LPP: variants seen among roughly 807,000 people sequenced by gnomAD.
LPP encodes LIM domain containing preferred translocation partner in lipoma, also known as lipoma-preferred partner.
A neutral mutation model predicts 60.4 loss-of-function variants in LPP; 38 were observed. The observed-to-expected ratio is 0.63, with a 90% CI of 0.49 to 0.83. LPP has a LOEUF of 0.83. Ranked by LOEUF, LPP falls within the 40% of genes least tolerant of loss-of-function variation. The probability of loss-of-function intolerance (pLI) is 0.00; values close to 1 mark genes in which losing one functional copy is unlikely to be tolerated. For missense variants in LPP, 902 were observed against 783.6 expected (o/e 1.15, Z -1.80); for synonymous variants, 328 against 290.8 (o/e 1.13, Z -1.30).
intron 9 of LPP, among the ~76,000 whole-genome samples, chr3:188,849,106 A>T (rs1486197830): frequency 2.0e-5 from 3 of 152,232 alleles, no homozygotes; most frequent in Non-Finnish European, 4.4e-5. Context: ...AGCGAGGCCC[A>T]GCTTTCTGCT....
At chr3:188,508,435 A>G (rs530195997) in intron 5 of LPP, among the ~76,000 whole-genome samples, 1 of 152,336 alleles carries the variant, frequency 6.6e-6, no homozygotes, top group South Asian at 2.1e-4. Context: ...CTGCCTAGAC[A>G]AAATTGTAGC....
At position 188,575,575 on chromosome 3, in the gene LPP, T is replaced by C. The variant is rs140768135; in HGVS notation, c.430-33586T>C. ...CGGTCCACCTTAACTAAATATGCTT[T>C]TGATGTAGCTCTCTTCAGGCTGAAT... On this transcript the variant is annotated intron_variant, in intron 6 of 11. Transcript: ENST00000617246. Among the ~76,000 whole-genome samples, 163 of 152,246 alleles carry C rather than the reference T, an allele frequency of 1.1e-3. 2 individuals are homozygous for C. The highest frequency in any genetic ancestry group is 1.0e-3 in the Non-Finnish European group (68 of 68,008).
chr3:188,156,700 G>C (rs1173649126), intron 1 of LPP, among the ~76,000 whole-genome samples: 1 of 152,032 alleles, frequency 6.6e-6, no homozygotes, highest in Non-Finnish European at 1.5e-5. Context: ...CGGGTGTGGT[G>C]GCATGTGCCT....
chr3:188,871,735 A>C (rs1768148650), intron 10 of LPP, among the ~76,000 whole-genome samples: 1 of 152,074 alleles, frequency 6.6e-6, no homozygotes, highest in African/African-American at 2.4e-5. Context: ...TCATACCTTC[A>C]CAAATACCAT....
At chr3:188,278,133 T>C (rs952362447) in intron 2 of LPP, among the ~76,000 whole-genome samples, 3 of 152,238 alleles carry the variant, frequency 2.0e-5, no homozygotes, top group Non-Finnish European at 4.4e-5. Flanking sequence ...TCATTTCATT[T>C]AATCCTCAAA....
intron 4 of LPP, among the ~76,000 whole-genome samples, chr3:188,413,491 A>G (rs1304859723): frequency 2.6e-5 from 4 of 152,260 alleles, no homozygotes; most frequent in South Asian, 2.1e-4. Flanking sequence ...AGGAACTGTA[A>G]TGAAGCTCGG....
chr3:188,421,977 C>G (rs1787934278), intron 4 of LPP, among the ~76,000 whole-genome samples: 1 of 152,178 alleles, frequency 6.6e-6, no homozygotes, highest in Non-Finnish European at 1.5e-5. Flanking sequence ...TCTTCCCTCA[C>G]TGGCCAAAGT....
At chr3:188,315,642 T>C (rs1754808923) in intron 2 of LPP, among the ~76,000 whole-genome samples, 1 of 152,192 alleles carries the variant, frequency 6.6e-6, no homozygotes, top group Non-Finnish European at 1.5e-5. Context: ...GAATGTAAGC[T>C]TTGTAGGGAC....
chr3:188,298,885 G>C (rs1748803276), intron 2 of LPP, among the ~76,000 whole-genome samples: 1 of 152,214 alleles, frequency 6.6e-6, no homozygotes, highest in African/African-American at 2.4e-5. Context: ...CATGAGCAGA[G>C]GGAAGCTTAG....
chr3:188,587,867 A>C (rs1168680681), intron 6 of LPP, among the ~76,000 whole-genome samples: 1 of 152,160 alleles, frequency 6.6e-6, no homozygotes, highest in African/African-American at 2.4e-5. Context: ...GTGTCCCCCA[A>C]CCCTACTTTG....
intron 9 of LPP, among the ~76,000 whole-genome samples, chr3:188,825,686 T>C (rs576895301): frequency 6.6e-6 from 1 of 152,194 alleles, no homozygotes; most frequent in South Asian, 2.1e-4. Flanking sequence ...ACTGCCTCCT[T>C]TGCAAACCTT....
intron 1 of LPP, among the ~76,000 whole-genome samples, chr3:188,203,840 C>T (rs745783068): frequency 4.6e-5 from 7 of 150,962 alleles, no homozygotes; most frequent in African/African-American, 1.5e-4. Context: ...GGCTTTGGTG[C>T]CAAAGGCTTG....
chr3:188,385,505 C>T (rs1282374594), intron 3 of LPP, among the ~76,000 whole-genome samples: 2 of 152,058 alleles, frequency 1.3e-5, no homozygotes, highest in African/African-American at 4.8e-5. Flanking sequence ...ACGTAAGTTA[C>T]AAACACTATT....
chr3:188,216,273 CT>C (rs1315000809), intron 1 of LPP, among the ~76,000 whole-genome samples: 1,410 of 131,138 alleles, frequency 0.011, 10 homozygotes, highest in Admixed American at 0.024. Context: ...CTTCTTCTTC[CT>C]TTTTTTTTTT....
intron 9 of LPP, among the ~76,000 whole-genome samples, chr3:188,783,809 A>T (rs1740625762): frequency 6.6e-6 from 1 of 152,118 alleles, no homozygotes. Context: ...AGCTGAGGAC[A>T]TCAGGGACTT....
At position 188,885,710 on chromosome 3, in the gene LPP, C is replaced by T. The variant is rs1770581002; in HGVS notation, c.*11231C>T. On this transcript the variant is annotated 3_prime_UTR_variant, in exon 12 of 12. Coordinates refer to ENST00000617246, the MANE Select transcript of LPP (RefSeq NM_001375462.1). ...CTAGTTCTAGATCCCTGAGGAATCT[C>T]CACACTGACTTCCACAATGGTTGAA... is the stretch of plus-strand genomic sequence containing the variant. The T allele has an allele frequency of 6.6e-6, 1 of 152,502 alleles. No individual in the cohort carries two copies. Among genetic ancestry groups the T allele is most frequent in the Admixed American group, 6.5e-5 (1 of 15,280 alleles). 9.4% of individuals were successfully genotyped at this position (152,502 alleles called of 1,614,324 possible).
intron 2 of LPP, among the ~76,000 whole-genome samples, chr3:188,258,152 C>G (rs530291309): frequency 6.6e-6 from 1 of 152,168 alleles, no homozygotes; most frequent in Admixed American, 6.5e-5. Flanking sequence ...GGGAAAGAGA[C>G]CTGAAAAGGA....
intron 7 of LPP, among the ~76,000 whole-genome samples, chr3:188,677,394 T>C (rs540344297): frequency 6.6e-6 from 1 of 152,352 alleles, no homozygotes; most frequent in African/African-American, 2.4e-5. Context: ...TATTTAATAT[T>C]TGATTTATCT....
intron 2 of LPP, among the ~76,000 whole-genome samples, chr3:188,270,324 ATTC>A (rs751319381): frequency 1.9e-4 from 29 of 151,910 alleles, no homozygotes; most frequent in Admixed American, 2.0e-4. Flanking sequence ...CACACAAACA[ATTC>A]TTCAGAAAGA....
Sources: allele counts gnomAD v4.1 joint callset (sites outside exome capture counted in the v4.1 genomes callset), GRCh38; gene constraint gnomAD v4.1.1; transcripts MANE v1.5; gene names NCBI Gene and HGNC (gene_info 2026-07-23, HGNC 2026-07-21).